The following PID1 variants were observed in gnomAD, a reference collection of about 807,000 sequenced individuals.
PID1 encodes the protein PTB-containing, cubilin and LRP1-interacting protein.
Under a neutral mutation model 19.1 loss-of-function variants are expected in PID1, and 10 were observed. The observed-to-expected ratio is 0.52, with a 90% CI of 0.32 to 0.89. The LOEUF is 0.89. PID1 is among the 40% of genes least tolerant of loss of function. The pLI, the probability that PID1 is intolerant of heterozygous loss-of-function variation, is 0.03. For synonymous variants in PID1, 130 were observed against 116.0 expected (o/e 1.12, Z -0.78); for missense variants, 248 against 285.3 (o/e 0.87, Z 0.94).
chr2:229,140,626 A>G (rs1054330200), intron 2 of PID1, among the ~76,000 whole-genome samples: 1 of 152,148 alleles, frequency 6.6e-6, no homozygotes, highest in African/African-American at 2.4e-5. Flanking sequence ...TATTAAAACT[A>G]TCAAAGCTAT....
At chr2:229,084,161 C>A (rs1448842395) in intron 2 of PID1, among the ~76,000 whole-genome samples, 1 of 152,092 alleles carries the variant, frequency 6.6e-6, no homozygotes, top group Non-Finnish European at 1.5e-5. Flanking sequence ...GAACTATACA[C>A]GAGGAGGTAC....
At chr2:229,162,361 T>C (rs1280286208) in intron 1 of PID1, among the ~76,000 whole-genome samples, 1 of 152,248 alleles carries the variant, frequency 6.6e-6, no homozygotes, top group East Asian at 1.9e-4. Context: ...CACCTTTGTA[T>C]TGATTTTGTA....
At chr2:229,203,225 C>T (rs1382676000) in intron 1 of PID1, among the ~76,000 whole-genome samples, 1 of 152,042 alleles carries the variant, frequency 6.6e-6, no homozygotes, top group East Asian at 1.9e-4. Context: ...GACGGTAGGG[C>T]TACAAAGTAA....
chr2:229,181,854 G>T (rs762870218), intron 1 of PID1, among the ~76,000 whole-genome samples: 1 of 152,266 alleles, frequency 6.6e-6, no homozygotes, highest in South Asian at 2.1e-4. Context: ...CCTCTGAATT[G>T]CCTCCAGCAA....
chr2:229,197,580 G>A (rs1045062403), intron 1 of PID1, among the ~76,000 whole-genome samples: 2 of 151,490 alleles, frequency 1.3e-5, no homozygotes, highest in Non-Finnish European at 2.9e-5. Context: ...TTTATCATAC[G>A]CTTCAAATGC....
intron 1 of PID1, among the ~76,000 whole-genome samples, chr2:229,181,754 T>C (rs898429492): frequency 4.7e-5 from 7 of 150,036 alleles, no homozygotes; most frequent in African/African-American, 1.7e-4. Flanking sequence ...ACATTATCAT[T>C]ATCAGAGATG....
At chr2:229,270,247 G>C (rs1359486164) in intron 1 of PID1, among the ~76,000 whole-genome samples, 1 of 152,198 alleles carries the variant, frequency 6.6e-6, no homozygotes, top group Non-Finnish European at 1.5e-5. Context: ...GCCAGCAAAA[G>C]GCAGTCCTCA....
At chr2:229,196,053 A>G (rs1312114318) in intron 1 of PID1, among the ~76,000 whole-genome samples, 2 of 152,110 alleles carry the variant, frequency 1.3e-5, no homozygotes, top group Non-Finnish European at 2.9e-5. Context: ...GGTGAATATA[A>G]AGAGTTACTA....
At chr2:229,206,003 T>G (rs898521083) in intron 1 of PID1, among the ~76,000 whole-genome samples, 1 of 152,260 alleles carries the variant, frequency 6.6e-6, no homozygotes, top group African/African-American at 2.4e-5. Flanking sequence ...GTGAGAAAAC[T>G]TGGAGAATGA....
intron 1 of PID1, among the ~76,000 whole-genome samples, chr2:229,230,119 T>C (rs1173973395): frequency 2.0e-5 from 3 of 152,210 alleles, no homozygotes; most frequent in African/African-American, 7.2e-5. Flanking sequence ...ACTTCTCTAA[T>C]TGTAATGTTT....
chr2:229,104,042 T>A (rs949195841), intron 2 of PID1, among the ~76,000 whole-genome samples: 1 of 152,256 alleles, frequency 6.6e-6, no homozygotes, highest in African/African-American at 2.4e-5. Flanking sequence ...TTGATCTCAG[T>A]GTACAAGTAA....
chr2:229,158,355 G>T (rs1203306045), intron 1 of PID1, among the ~76,000 whole-genome samples: 2 of 152,114 alleles, frequency 1.3e-5, no homozygotes, highest in African/African-American at 4.8e-5. Flanking sequence ...ACTCATCTCT[G>T]CCTACTCCTT....
chr2:229,210,550 A>AC (rs1474585957), intron 1 of PID1, among the ~76,000 whole-genome samples: 17 of 123,948 alleles, frequency 1.4e-4, no homozygotes, highest in Non-Finnish European at 3.0e-4. Flanking sequence ...AAAAAAAAAA[A>AC]AAAACAACCT....
chr2:229,041,746 C>A (rs774308883), intron 2 of PID1, among the ~76,000 whole-genome samples: 2 of 152,110 alleles, frequency 1.3e-5, no homozygotes, highest in African/African-American at 2.4e-5. Flanking sequence ...GTGAAGAATT[C>A]AACATTACTT....
chr2:229,198,717 T>C (rs1175049827), intron 1 of PID1, among the ~76,000 whole-genome samples: 2 of 152,066 alleles, frequency 1.3e-5, no homozygotes, highest in Admixed American at 1.3e-4. Flanking sequence ...ACACCTTACC[T>C]ACTGATAAGT....
rs59442124 is a variant in PID1, at chr2:229,115,402, G to GAAA, written c.177+40413_177+40415dup. ...CACCTATAGTCCCAGCTACTCTGGA[G>GAAA]AAAAAAAAAAAAAAAGAAGAGAAGA... On this transcript the variant is annotated intron_variant, in intron 2 of 2. Coordinates refer to ENST00000392055, the MANE Select transcript of PID1 (RefSeq NM_001100818.2). Among the ~76,000 whole-genome samples, 1,162 of 120,514 alleles carry GAAA rather than the reference G, an allele frequency of 9.6e-3. 16 individuals carry two copies. Among genetic ancestry groups the GAAA allele is most frequent in the South Asian group, 0.014 (50 of 3,454 alleles). 79.1% of individuals were successfully genotyped at this position (120,514 alleles called of 152,430 possible).
At chr2:229,090,761 T>G (rs1186943252) in intron 2 of PID1, among the ~76,000 whole-genome samples, 1 of 152,226 alleles carries the variant, frequency 6.6e-6, no homozygotes, top group Non-Finnish European at 1.5e-5. Flanking sequence ...TCATCATCAT[T>G]CATTCATTCA....
At chr2:229,050,558 T>C (rs1574585997) in intron 2 of PID1, among the ~76,000 whole-genome samples, 1 of 152,210 alleles carries the variant, frequency 6.6e-6, no homozygotes, top group Non-Finnish European at 1.5e-5. Context: ...GTTCACAGCA[T>C]GGTAGCTGCC....
chr2:229,116,877 T>C (rs780900459), intron 2 of PID1, among the ~76,000 whole-genome samples: 3 of 152,020 alleles, frequency 2.0e-5, no homozygotes, highest in Non-Finnish European at 2.9e-5. Flanking sequence ...AAGGTTCTCC[T>C]CCATATCTCT....
Sources: gnomAD v4.1 joint callset for allele counts (sites outside exome capture counted in the v4.1 genomes callset) on GRCh38, gnomAD v4.1.1 for gene constraint, MANE v1.5 for transcripts, NCBI Gene and HGNC (gene_info 2026-07-23, HGNC 2026-07-21) for gene names.